Variants in SGSM3 observed in about 807,000 individuals in gnomAD.
SGSM3 encodes RUN and SH3 containing 3.
Under a neutral mutation model 100.5 loss-of-function variants are expected in SGSM3, and 96 were observed. The observed-to-expected ratio is 0.96, with a 90% CI of 0.81 to 1.13. The LOEUF (loss-of-function observed/expected upper bound fraction) is 1.13, where lower values mean the gene tolerates loss of function less well. Ranked by LOEUF, SGSM3 falls within the 50% of genes most tolerant of loss-of-function variation. SGSM3 has a pLI of 0.00. For missense variants in SGSM3, 1,001 were observed against 1,015.8 expected (o/e 0.99, Z 0.20); for synonymous variants, 483 against 422.8 (o/e 1.14, Z -1.75).
chr22:40,392,914 A>G (rs2049546387), intron 1 of SGSM3, among the ~76,000 whole-genome samples: 1 of 152,178 alleles, frequency 6.6e-6, no homozygotes, highest in Non-Finnish European at 1.5e-5. Flanking sequence ...TGGACATTTC[A>G]TATAAATGGA....
intron 4 of SGSM3, among the ~76,000 whole-genome samples, chr22:40,403,932 C>T (rs1010187054): frequency 2.0e-5 from 3 of 152,054 alleles, no homozygotes; most frequent in Non-Finnish European, 4.4e-5. Context: ...GGGGTCTGGG[C>T]GAGGGAGGAG....
intron 1 of SGSM3, chr22:40,387,120 G>T: frequency 2.5e-6 from 1 of 395,358 alleles, no homozygotes. Flanking sequence ...CTGCTGAGGG[G>T]TCAGTCCTTT....
chr22:40,378,056 G>A (rs1224532353), intron 1 of SGSM3: 1 of 152,138 alleles, frequency 6.6e-6, no homozygotes, highest in African/African-American at 2.4e-5. Flanking sequence ...AGACTGTCTT[G>A]GTATGTGGAA....
chr22:40,370,955 A>C (rs1385868024), intron 1 of SGSM3, among the ~76,000 whole-genome samples: 1 of 152,128 alleles, frequency 6.6e-6, no homozygotes, highest in African/African-American at 2.4e-5. Context: ...AGGCCACCTC[A>C]GGTGTTCGGG....
rs1362429808 is a variant in SGSM3 at position 40,409,885 on chromosome 22, C to A, written c.*126C>A. ...CCGCGGGATATCAATATCAGGCTGC[C>A]CCACTCCACGTTCCCCAGCACATCC... On this transcript the variant is annotated 3_prime_UTR_variant, in exon 22 of 22. Transcript: ENST00000248929. The A allele has an allele frequency of 1.5e-5, 22 of 1,437,530 alleles. No homozygotes were observed. In the East Asian group the frequency reaches 1.8e-4, roughly 12 times the overall value. The allele number at this position is 1,437,530 out of a possible 1,614,324, so 89.0% of individuals were successfully genotyped here.
intron 1 of SGSM3, among the ~76,000 whole-genome samples, chr22:40,399,853 CTG>C (rs1439266913): frequency 6.6e-6 from 1 of 152,234 alleles, no homozygotes; most frequent in Non-Finnish European, 1.5e-5. Context: ...ACCAAAGCCT[CTG>C]TAACAGTCAG....
intron 1 of SGSM3, among the ~76,000 whole-genome samples, chr22:40,393,293 T>G (rs1366713204): frequency 6.6e-6 from 1 of 152,208 alleles, no homozygotes; most frequent in Non-Finnish European, 1.5e-5. Flanking sequence ...AATTTTTGTA[T>G]TTTTAGTAGA....
chr22:40,407,656 C>A lies in SGSM3; in HGVS notation c.1524+88C>A, dbSNP rs1320775964. On this transcript the variant is annotated intron_variant, in intron 13 of 21. Transcript: ENST00000248929. This position sits in a 1 kb window ranked among gnomAD's most constrained non-coding sequence, Gnocchi z 4.7. The stretch of plus-strand genomic sequence containing the variant: ...CCAAGCCCCACCCCAACCCCTTTCC[C>A]TGCCAAGAGCTTCTCTTGTGAAGAT... 1.9e-6 allele frequency: 3 copies of A among 1,577,712 alleles called. No individual in the cohort carries two copies. Among genetic ancestry groups the A allele is most frequent in the African/African-American group, 1.3e-5 (1 of 74,404 alleles).
At chr22:40,401,000 C>T (rs1445020981) in intron 2 of SGSM3, among the ~76,000 whole-genome samples, 187 bp downstream of exon 2, 1 of 152,206 alleles carries the variant, frequency 6.6e-6, no homozygotes, top group African/African-American at 2.4e-5. Context: ...TAGCTCTCCT[C>T]CTCCAGCTCT....
intron 1 of SGSM3, among the ~76,000 whole-genome samples, chr22:40,384,470 T>G: frequency 6.6e-6 from 1 of 151,256 alleles, no homozygotes; most frequent in East Asian, 1.9e-4. Flanking sequence ...AAACAAAAAT[T>G]AAAAAAAAAT....
chr22:40,382,312 T>A (rs574187933), intron 1 of SGSM3, among the ~76,000 whole-genome samples: 19 of 152,324 alleles, frequency 1.2e-4, no homozygotes, highest in African/African-American at 4.6e-4. Context: ...AATCATTTTA[T>A]TACTATCTCT....
chr22:40,391,224 A>G (rs2049321167), intron 1 of SGSM3, among the ~76,000 whole-genome samples: 1 of 152,196 alleles, frequency 6.6e-6, no homozygotes, highest in African/African-American at 2.4e-5. Flanking sequence ...TCCTACTCAC[A>G]CCTGCTGAGT....
In SGSM3 at chr22:40,400,704, A is replaced by T; in HGVS notation, c.-103A>T. 8.8e-7 allele frequency: 1 copy of T among 1,134,712 alleles called. No homozygotes were observed. The highest frequency in any genetic ancestry group is 1.3e-6 in the Non-Finnish European group (1 of 772,498). 70.3% of individuals were successfully genotyped at this position (1,134,712 alleles called of 1,614,324 possible). A position where few individuals can be genotyped will look rare whatever the true frequency, so the allele number is the denominator to read the frequency against. ...CTTTTCTCTTCTAACAGGGCAGATGATTCTGGACCAGATGAAGCCTGAGGA... is the reference window on the plus strand; with the variant it reads ...CTTTTCTCTTCTAACAGGGCAGATGTTTCTGGACCAGATGAAGCCTGAGGA... On this transcript the variant is annotated 5_prime_UTR_variant, in exon 2 of 22. Coordinates refer to ENST00000248929, the MANE Select transcript of SGSM3 (RefSeq NM_015705.6).
intron 4 of SGSM3, 83 bp downstream of exon 4, chr22:40,402,288 G>A (rs1188033196): frequency 9.5e-7 from 1 of 1,053,228 alleles, no homozygotes. Flanking sequence ...TACTCGGCCT[G>A]TGATGGCTGA....
At chr22:40,404,164 C>T in intron 4 of SGSM3, 83 bp from the exon 5 acceptor site, 1 of 1,198,410 alleles carries the variant, frequency 8.3e-7, no homozygotes, top group Non-Finnish European at 1.2e-6. Context: ...AAGCTCAGAC[C>T]CTCCTGAAGA....
At chr22:40,399,109 A>C (rs751270587) in intron 1 of SGSM3, among the ~76,000 whole-genome samples, 2 of 139,534 alleles carry the variant, frequency 1.4e-5, no homozygotes, top group Non-Finnish European at 3.1e-5. Context: ...TCAGCCTCTC[A>C]AGTAGCTGCG....
chr22:40,409,423 C>T (rs1431557927), intron 20 of SGSM3, 42 bp from the exon 21 acceptor site: 2 of 1,568,242 alleles, frequency 1.3e-6, no homozygotes, highest in Non-Finnish European at 1.7e-6. Flanking sequence ...GAAGGGCTAG[C>T]TGGGGGTGAC....
chr22:40,408,030 G>A, intron 14 of SGSM3, 41 bp from the exon 15 acceptor site: 1 of 1,604,310 alleles, frequency 6.2e-7, no homozygotes, highest in Non-Finnish European at 8.5e-7. Context: ...TCTGTCCTCG[G>A]CCCTCGTGGT....
intron 1 of SGSM3, among the ~76,000 whole-genome samples, chr22:40,378,771 G>T (rs1428331579): frequency 1.3e-5 from 2 of 151,902 alleles, no homozygotes; most frequent in Non-Finnish European, 2.9e-5. Flanking sequence ...ATGGGTTGTT[G>T]TACTGAATGA....
Sources: allele counts gnomAD v4.1 joint callset (sites outside exome capture counted in the v4.1 genomes callset), GRCh38; gene constraint gnomAD v4.1.1; non-coding constraint Gnocchi (gnomAD v3.1); transcripts MANE v1.5; gene names NCBI Gene and HGNC (gene_info 2026-07-23, HGNC 2026-07-21).